GKAP1: variants seen among roughly 807,000 people sequenced by gnomAD.
GKAP1 encodes G kinase-anchoring protein 1.
GKAP1 carries 31 observed loss-of-function variants against 56.7 expected under a neutral mutation model. The observed-to-expected ratio is 0.55, with a 90% confidence interval of 0.41 to 0.74. The LOEUF is 0.74. Among genes scored for constraint, GKAP1 ranks in the 30% least tolerant of loss-of-function variants. The pLI is 0.00. For missense variants in GKAP1, 364 were observed against 402.3 expected (o/e 0.90, Z 0.82); for synonymous variants, 151 against 138.6 (o/e 1.09, Z -0.63).
intron 2 of GKAP1, among the ~76,000 whole-genome samples, chr9:83,813,139 G>C (rs1344742115): frequency 6.6e-6 from 1 of 152,094 alleles, no homozygotes; most frequent in Admixed American, 6.5e-5. Context: ...AGAGATGTTA[G>C]GATAAATAGA....
In GKAP1 at chr9:83,768,832, G is replaced by T. The variant is rs1943707441; in HGVS notation, c.724C>A (p.His242Asn). Residue 242 changes from histidine (H) to asparagine (N), a missense_variant, in exon 8 of 13, where the codon CAT becomes AAT. Coordinates refer to ENST00000376371, the MANE Select transcript of GKAP1 (RefSeq NM_025211.4). ...ACTTTACATGCCTGGTTGTGTTCATGAGCTGTACAATTATCTGTTCCATTA... is the reference window on the plus strand; with the variant it reads ...ACTTTACATGCCTGGTTGTGTTCATTAGCTGTACAATTATCTGTTCCATTA... ...EYNGTDNCTA[H>N]EHNQEVVLKD... The T allele has an allele frequency of 1.2e-6, 2 of 1,611,668 alleles. No individual in the cohort carries two copies. The highest frequency in any genetic ancestry group is 1.7e-6 in the Non-Finnish European group (2 of 1,179,372).
At chr9:83,789,634 G>A (rs892032116) in intron 4 of GKAP1, among the ~76,000 whole-genome samples, 1 of 152,024 alleles carries the variant, frequency 6.6e-6, no homozygotes, top group African/African-American at 2.4e-5. Flanking sequence ...ACAGCCAGTC[G>A]CATAATTCTG....
chr9:83,777,033 A>G (rs1943875205), intron 7 of GKAP1, among the ~76,000 whole-genome samples: 1 of 152,230 alleles, frequency 6.6e-6, no homozygotes, highest in East Asian at 1.9e-4. Context: ...TATTTTTAAT[A>G]TAATTTTTAC....
intron 8 of GKAP1, among the ~76,000 whole-genome samples, chr9:83,766,677 G>A (rs1374437567): frequency 2.0e-5 from 3 of 152,186 alleles, no homozygotes; most frequent in African/African-American, 7.2e-5. Context: ...AGAAAAGATG[G>A]AAACAGATGG....
In GKAP1 at chr9:83,812,291, G is replaced by GTA. The variant is rs903850328; in HGVS notation, c.-44+4703_-44+4704dup. On this transcript the variant is annotated intron_variant, in intron 2 of 12. Coordinates refer to ENST00000376371, the MANE Select transcript of GKAP1 (RefSeq NM_025211.4). ...TACACATATATATACACATATATAC[G>GTA]TATATATATACGTATACATATATAT... Among the ~76,000 whole-genome samples the GTA allele has an allele frequency of 2.2e-3, 312 of 141,534 alleles. 1 individual carries two copies. The highest frequency in any genetic ancestry group is 6.1e-3 in the African/African-American group (231 of 38,032). The allele number at this position is 141,534 out of a possible 152,430, so 92.9% of individuals were successfully genotyped here.
At chr9:83,756,977 T>C (rs1046662735) in intron 8 of GKAP1, among the ~76,000 whole-genome samples, 2 of 152,128 alleles carry the variant, frequency 1.3e-5, no homozygotes, top group Non-Finnish European at 2.9e-5. Flanking sequence ...AAGTAGAAAA[T>C]ATTATACTAA....
chr9:83,806,510 G>A lies in GKAP1; in HGVS notation c.8C>T (p.Ser3Leu). The A allele has an allele frequency of 6.2e-7, 1 of 1,611,774 alleles. No individual in the cohort carries two copies. Among genetic ancestry groups the A allele is most frequent in the Non-Finnish European group, 8.5e-7 (1 of 1,179,326 alleles). The change falls in exon 3 of 13, where the codon TCA becomes TTA. Residue 3 changes from serine (S) to leucine (L), a missense_variant. Physicochemically the swap from Ser to Leu is moderately radical, Grantham distance 145 (BLOSUM62 -2). Transcript: ENST00000376371. Reference protein sequence around the residue: MASAVLSSVPTTA... With the variant: MALAVLSSVPTTA... ...GGTGGGAACAGAACTAAGTACTGCT[G>A]AGGCCATCGTAAAGATTTTTCTTTT...
intron 9 of GKAP1, 44 bp from the exon 10 acceptor site, chr9:83,748,416 G>GAT: frequency 9.0e-7 from 1 of 1,105,422 alleles, no homozygotes; most frequent in Non-Finnish European, 1.3e-6. Context: ...AAAAGTAAGT[G>GAT]ATATAATTAA....
chr9:83,772,579 G>C (rs1461125028), intron 7 of GKAP1, among the ~76,000 whole-genome samples: 1 of 151,984 alleles, frequency 6.6e-6, no homozygotes, highest in Non-Finnish European at 1.5e-5. Context: ...TGCTTCAAAA[G>C]ACACAATTAA....
intron 8 of GKAP1, among the ~76,000 whole-genome samples, chr9:83,760,523 T>C (rs996890302): frequency 6.6e-6 from 1 of 152,148 alleles, no homozygotes; most frequent in Non-Finnish European, 1.5e-5. Context: ...ATGGACCTAA[T>C]AGATATTGAC....
At chr9:83,759,062 T>C (rs150220017) in intron 8 of GKAP1, among the ~76,000 whole-genome samples, 3 of 152,134 alleles carry the variant, frequency 2.0e-5, no homozygotes, top group Admixed American at 6.5e-5. Flanking sequence ...ACACATTAGG[T>C]AAAAAGAAAA....
At chr9:83,770,398 G>A (rs907134131) in intron 7 of GKAP1, among the ~76,000 whole-genome samples, 1 of 152,176 alleles carries the variant, frequency 6.6e-6, no homozygotes, top group South Asian at 2.1e-4. Context: ...GTGTTGAGAA[G>A]ATTATTCTTT....
chr9:83,753,815 C>T (rs1943432895), intron 8 of GKAP1, among the ~76,000 whole-genome samples: 1 of 151,862 alleles, frequency 6.6e-6, no homozygotes, highest in East Asian at 1.9e-4. Flanking sequence ...AAAAGCTAAC[C>T]AGAACAATAA....
At chr9:83,777,497 C>T (rs1445639065) in intron 7 of GKAP1, among the ~76,000 whole-genome samples, 1 of 152,096 alleles carries the variant, frequency 6.6e-6, no homozygotes, top group African/African-American at 2.4e-5. Context: ...AGCACCTACT[C>T]TAGACAGAAG....
chr9:83,783,986 C>T (rs12344567), intron 6 of GKAP1, among the ~76,000 whole-genome samples: 82,536 of 150,940 alleles, frequency 0.55, 23,577 homozygotes, highest in Admixed American at 0.69. Context: ...TAATCGCTAC[C>T]AGGTGTGGTG....
At chr9:83,803,852 G>A (rs1944377089) in intron 3 of GKAP1, among the ~76,000 whole-genome samples, 2 of 150,948 alleles carry the variant, frequency 1.3e-5, no homozygotes, top group South Asian at 2.1e-4. Flanking sequence ...AGTGAGGAGC[G>A]TTTCTGCCCG....
At chr9:83,761,107 T>A (rs1171766292) in intron 8 of GKAP1, among the ~76,000 whole-genome samples, 2 of 143,700 alleles carry the variant, frequency 1.4e-5, no homozygotes, top group East Asian at 2.1e-4. Context: ...TTTTGAAAAA[T>A]TAAACTTGAA....
chr9:83,790,060 T>C (rs1468661802), intron 4 of GKAP1, among the ~76,000 whole-genome samples: 1 of 152,184 alleles, frequency 6.6e-6, no homozygotes. Context: ...AAAATCTTAA[T>C]AGACACTATG....
chr9:83,762,145 T>C (rs1943583353), intron 8 of GKAP1, among the ~76,000 whole-genome samples: 1 of 152,124 alleles, frequency 6.6e-6, no homozygotes, highest in Non-Finnish European at 1.5e-5. Context: ...TCACTTTATA[T>C]TTGGAAAAAC....
Sources: gnomAD v4.1 joint callset for allele counts (sites outside exome capture counted in the v4.1 genomes callset) on GRCh38, gnomAD v4.1.1 for gene constraint, MANE v1.5 for transcripts, NCBI Gene and HGNC (gene_info 2026-07-23, HGNC 2026-07-21) for gene names.